ADCY7: variants seen among roughly 807,000 people sequenced by gnomAD.
ADCY7 encodes the protein adenylate cyclase 7, also known as adenylate cyclase type 7.
A neutral mutation model predicts 120.6 loss-of-function variants in ADCY7; 72 were observed. That is an observed-to-expected ratio of 0.60 (90% confidence interval 0.49 to 0.73). ADCY7 has a LOEUF of 0.73. Among genes scored for constraint, ADCY7 ranks in the 30% least tolerant of loss-of-function variants. ADCY7 has a pLI of 0.00. For synonymous variants in ADCY7, 661 were observed against 628.0 expected (o/e 1.05, Z -0.78); for missense variants, 1,227 against 1,486.0 (o/e 0.83, Z 2.87).
intron 12 of ADCY7, 26 bp downstream of exon 12, chr16:50,304,985 G>A (rs1238044688): frequency 6.2e-7 from 1 of 1,612,760 alleles, no homozygotes; most frequent in East Asian, 2.2e-5. Context: ...TCCTGGCCAA[G>A]TCCTGCTGCA....
At chr16:50,289,888 A>G (rs1214642654) in intron 2 of ADCY7, among the ~76,000 whole-genome samples, 4 of 152,250 alleles carry the variant, frequency 2.6e-5, no homozygotes, top group Non-Finnish European at 5.9e-5. Flanking sequence ...GCCTGGATCC[A>G]TGTGGCTACC....
intron 21 of ADCY7, among the ~76,000 whole-genome samples, chr16:50,312,652 G>T (rs1840521595): frequency 1.3e-5 from 2 of 152,140 alleles, no homozygotes; most frequent in South Asian, 4.1e-4. Context: ...TGTGTACATG[G>T]AAACACCCAT....
Position 50,299,762 on chromosome 16 carries a change from C to G in ADCY7, c.1076+731C>G, listed in dbSNP as rs544255048. Among the ~76,000 whole-genome samples, 4 of 152,326 alleles carry G rather than the reference C, an allele frequency of 2.6e-5. No homozygotes were observed. The East Asian group carries it at 7.7e-4, about 29-fold the overall frequency. On this transcript the variant is annotated intron_variant, in intron 8 of 25. Coordinates refer to ENST00000673801, the MANE Select transcript of ADCY7 (RefSeq NM_001114.5). ...AGGCTGGCCCCTGCCCTGTAACAGG[C>G]GGAGGTTGTACAGGCCCTCGTGCAC...
intron 1 of ADCY7, among the ~76,000 whole-genome samples, chr16:50,257,201 C>T (rs4595799): frequency 0.66 from 100,154 of 151,742 alleles, 35,926 homozygotes; most frequent in East Asian, 1. Flanking sequence ...AACATAGCAC[C>T]CCACCTGTAC....
At position 50,304,241 on chromosome 16, in the gene ADCY7, A is replaced by G. The variant is rs1263610556; in HGVS notation, c.1369-119A>G. On this transcript the variant is annotated intron_variant, in intron 10 of 25. Transcript: ENST00000673801. ...GGGTTGAGCAACTTCTTTGCTGTTT[A>G]TTTTTTCACGGGCTCAGGGCGGCGT... The G allele has an allele frequency of 3.8e-6, 4 of 1,057,504 alleles. No individual in the cohort carries two copies. The African/African-American group carries it at 6.6e-5, about 17-fold the overall frequency. 65.5% of individuals were successfully genotyped at this position (1,057,504 alleles called of 1,614,324 possible). A position where few individuals can be genotyped will look rare whatever the true frequency, so the allele number is the denominator to read the frequency against.
chr16:50,265,796 A>G (rs2033188374), upstream of ADCY7, among the ~76,000 whole-genome samples: 4 of 152,208 alleles, frequency 2.6e-5, no homozygotes, highest in South Asian at 8.3e-4. Flanking sequence ...TGCTGTGGCC[A>G]GCGGGCTGGA....
At chr16:50,299,462 C>A (rs759416073) in intron 8 of ADCY7, among the ~76,000 whole-genome samples, 9 of 152,186 alleles carry the variant, frequency 5.9e-5, no homozygotes, top group Non-Finnish European at 1.2e-4. Flanking sequence ...GCGGGGAGAC[C>A]CCCCGCTCCC....
At position 50,307,161 on chromosome 16, in the gene ADCY7, A is replaced by G. The variant is rs1231090241; in HGVS notation, c.1850+14A>G. On this transcript the variant is annotated intron_variant, in intron 15 of 25. Coordinates refer to ENST00000673801, the MANE Select transcript of ADCY7 (RefSeq NM_001114.5). ...GCTCATGCCCAGGTCAGTTGCAGGG[A>G]GGGGTGTGGGGGTCCGGCCTGCTGG... 2 of 1,608,254 alleles carry G rather than the reference A, an allele frequency of 1.2e-6. No individual in the cohort carries two copies. The highest frequency in any genetic ancestry group is 1.7e-5 in the Admixed American group (1 of 59,894).
chr16:50,311,663 G>C (rs1419850049), intron 19 of ADCY7, 30 bp from the exon 20 acceptor site: 6 of 1,523,166 alleles, frequency 3.9e-6, no homozygotes, highest in Non-Finnish European at 5.5e-6. Context: ...GTGAGTGCTG[G>C]GAGTGACTTG....
intron 1 of ADCY7, among the ~76,000 whole-genome samples, chr16:50,260,981 G>A (rs1259882911): frequency 6.6e-6 from 1 of 152,220 alleles, no homozygotes; most frequent in South Asian, 2.1e-4. Context: ...GGGGACAAGG[G>A]TCACTGGAGG....
intron 1 of ADCY7, among the ~76,000 whole-genome samples, chr16:50,283,400 C>T (rs2034395916): frequency 6.6e-6 from 1 of 152,196 alleles, no homozygotes; most frequent in Admixed American, 6.5e-5. Context: ...TGTCTGCTGA[C>T]AGTGTCAGGT....
At chr16:50,270,176 C>CAGATAGATAGATAGATAGATAGATAGAT (rs35858506) in intron 1 of ADCY7, among the ~76,000 whole-genome samples, 5 of 141,192 alleles carry the variant, frequency 3.5e-5, no homozygotes, top group East Asian at 2.1e-4. Flanking sequence ...GACCCTGTCT[C>CAGATAGATAGATAGATAGATAGATAGAT]AGATAGATAG....
At chr16:50,252,293 CAT>C (rs2032781390) in intron 1 of ADCY7, among the ~76,000 whole-genome samples, 1 of 152,188 alleles carries the variant, frequency 6.6e-6, no homozygotes, top group Admixed American at 6.5e-5. Flanking sequence ...GCTCTGCACA[CAT>C]GATTGACATG....
chr16:50,249,047 C>T (rs577149980), intron 1 of ADCY7, among the ~76,000 whole-genome samples: 14 of 152,172 alleles, frequency 9.2e-5, no homozygotes, highest in Admixed American at 1.3e-4. Flanking sequence ...CTGCTCTCTG[C>T]GTAAGAGCCT....
At chr16:50,272,883 G>T (rs1359726790) in intron 1 of ADCY7, among the ~76,000 whole-genome samples, 1 of 152,188 alleles carries the variant, frequency 6.6e-6, no homozygotes, top group African/African-American at 2.4e-5. Flanking sequence ...TTTAAGGGGG[G>T]CCTGGGCTAA....
At chr16:50,266,187 T>C (rs370767631), upstream of ADCY7, among the ~76,000 whole-genome samples, 1 of 152,320 alleles carries the variant, frequency 6.6e-6, no homozygotes, top group East Asian at 1.9e-4. Flanking sequence ...GGCCTGTCTG[T>C]GAGCGTCAGA....
At chr16:50,311,981 C>A in intron 20 of ADCY7, 55 bp from the exon 21 acceptor site, 1 of 1,606,308 alleles carries the variant, frequency 6.2e-7, no homozygotes, top group Non-Finnish European at 8.5e-7. Context: ...AGATGCACAG[C>A]AGCACGGCTC....
chr16:50,277,615 C>T (rs1458660169), intron 1 of ADCY7, among the ~76,000 whole-genome samples: 2 of 151,546 alleles, frequency 1.3e-5, no homozygotes, highest in Non-Finnish European at 2.9e-5. Context: ...GCCTCAGCCT[C>T]CCAAGTAGCT....
rs781174299 is a variant in ADCY7, at chr16:50,307,039, G to A, written c.1753-11G>A. 5 of 1,604,308 alleles carry A rather than the reference G, an allele frequency of 3.1e-6. No homozygotes were observed. The highest frequency in any genetic ancestry group is 3.4e-6 in the Non-Finnish European group (4 of 1,178,814). On this transcript the variant is annotated splice_polypyrimidine_tract_variant and intron_variant, in intron 14 of 25. Coordinates refer to ENST00000673801, the MANE Select transcript of ADCY7 (RefSeq NM_001114.5). ...CTGGTGGCCACCCCTCACAGTCCCT[G>A]CTGCCCCCAGTACCGCCTGGCACCC... is the stretch of plus-strand genomic sequence containing the variant.
Sources: allele counts gnomAD v4.1 joint callset (sites outside exome capture counted in the v4.1 genomes callset), GRCh38; gene constraint gnomAD v4.1.1; transcripts MANE v1.5; gene names NCBI Gene and HGNC (gene_info 2026-07-23, HGNC 2026-07-21).